MALRD1: variants seen among roughly 807,000 people sequenced by gnomAD.
The protein encoded by MALRD1 is MAM and LDL-receptor class A domain-containing protein 1.
In MALRD1, 247 loss-of-function variants were observed where a neutral mutation model predicts 242.1. The observed-to-expected ratio is 1.02, with a 90% CI of 0.92 to 1.13. The LOEUF is 1.13. MALRD1 is among the 50% of genes most tolerant of loss of function. The probability of loss-of-function intolerance (pLI) is 0.00; values close to 1 mark genes in which losing one functional copy is unlikely to be tolerated. For missense variants in MALRD1, 2,989 were observed against 2,533.1 expected (o/e 1.18, Z -3.86); for synonymous variants, 995 against 866.6 (o/e 1.15, Z -2.60).
rs974015684 is a variant in MALRD1 at position 19,411,523 on chromosome 10, A to T, written c.4845+21914A>T. Among the ~76,000 whole-genome samples the T allele has an allele frequency of 2.6e-5, 4 of 152,210 alleles. No homozygotes were observed. The South Asian group carries it at 8.3e-4, about 32-fold the overall frequency. ...TTTAATGTGCATAATAAGTGCAAAA[A>T]AGCTACCATGATCATACTTTATGCA... On this transcript the variant is annotated intron_variant, in intron 28 of 39. Transcript: ENST00000454679.
chr10:19,604,505 G>A (rs1259519441), intron 34 of MALRD1, among the ~76,000 whole-genome samples: 4 of 152,150 alleles, frequency 2.6e-5, no homozygotes, highest in Admixed American at 6.6e-5. Context: ...GTTGGTTTAT[G>A]AAGTTGAAGG....
rs1835414887 is a variant in MALRD1, at chr10:19,734,476, C to T, written c.*239C>T. Reference sequence around the variant, plus strand: ...TATTTTAATAAAATTTCTATTTAATCAAGTTTCTTGTTTTTCTTTGATTTT... The same window carrying T: ...TATTTTAATAAAATTTCTATTTAATTAAGTTTCTTGTTTTTCTTTGATTTT... On this transcript the variant is annotated 3_prime_UTR_variant, in exon 40 of 40. Coordinates refer to ENST00000454679, the MANE Select transcript of MALRD1 (RefSeq NM_001142308.3). The T allele has an allele frequency of 1.6e-5, 5 of 322,432 alleles. No individual in the cohort carries two copies. In the East Asian group the frequency reaches 2.6e-4, roughly 17 times the overall value. 20.0% of individuals were successfully genotyped at this position (322,432 alleles called of 1,614,324 possible).
At chr10:19,343,664 T>C (rs1235135675) in intron 24 of MALRD1, among the ~76,000 whole-genome samples, 2 of 152,092 alleles carry the variant, frequency 1.3e-5, no homozygotes, top group African/African-American at 2.4e-5. Flanking sequence ...TCCATCAAAA[T>C]TGTTGTGTGT....
intron 18 of MALRD1, among the ~76,000 whole-genome samples, chr10:19,231,103 T>A (rs1838044590): frequency 6.6e-6 from 1 of 152,116 alleles, no homozygotes; most frequent in African/African-American, 2.4e-5. Flanking sequence ...AATTAATAAC[T>A]TGTCAAGCTG....
chr10:19,197,372 C>T (rs1270215119), intron 14 of MALRD1, among the ~76,000 whole-genome samples: 1 of 152,158 alleles, frequency 6.6e-6, no homozygotes, highest in African/African-American at 2.4e-5. Flanking sequence ...CCTCCACTCT[C>T]TTCAGTAAAG....
At chr10:19,149,939 T>C (rs1415905727) in intron 11 of MALRD1, among the ~76,000 whole-genome samples, 1 of 152,198 alleles carries the variant, frequency 6.6e-6, no homozygotes, top group African/African-American at 2.4e-5. Flanking sequence ...ATATCATATG[T>C]AGCATTTTGA....
intron 24 of MALRD1, 33 bp downstream of exon 24, chr10:19,331,615 C>A: frequency 6.7e-7 from 1 of 1,499,086 alleles, no homozygotes; most frequent in Non-Finnish European, 9.1e-7. Context: ...CTTACTTTTG[C>A]CTTCAACTCC....
At chr10:19,326,459 T>C (rs1281378792) in intron 22 of MALRD1, among the ~76,000 whole-genome samples, 1 of 152,118 alleles carries the variant, frequency 6.6e-6, no homozygotes, top group African/African-American at 2.4e-5. Flanking sequence ...TTAGTAAGTT[T>C]CTTGAACATA....
At position 19,468,074 on chromosome 10, in the gene MALRD1, G is replaced by C. The variant is rs146521236; in HGVS notation, c.5029+17584G>C. Among the ~76,000 whole-genome samples, 31 of 150,640 alleles carry C rather than the reference G, an allele frequency of 2.1e-4. No homozygotes were observed. In the East Asian group the frequency reaches 5.8e-3, roughly 28 times the overall value. On this transcript the variant is annotated intron_variant, in intron 29 of 39. Coordinates refer to ENST00000454679, the MANE Select transcript of MALRD1 (RefSeq NM_001142308.3). ...CTCCCAAAGTGCTGGGATTACATAT[G>C]TGAGCTACCACACCTGGCCTAGATA...
intron 14 of MALRD1, 120 bp from the exon 15 acceptor site, chr10:19,203,608 C>G (rs957413519): frequency 3.2e-6 from 3 of 941,052 alleles, no homozygotes; most frequent in Non-Finnish European, 4.5e-6. Flanking sequence ...AAATGTGTCC[C>G]TCATTGCCCT....
chr10:19,584,430 G>T (rs974174035), intron 33 of MALRD1, among the ~76,000 whole-genome samples: 8 of 151,754 alleles, frequency 5.3e-5, no homozygotes, highest in African/African-American at 1.7e-4. Flanking sequence ...TTGTGTCTTT[G>T]TTCTCGTAGG....
At chr10:19,334,629 C>G (rs896353671) in intron 24 of MALRD1, among the ~76,000 whole-genome samples, 2 of 151,810 alleles carry the variant, frequency 1.3e-5, no homozygotes, top group African/African-American at 4.8e-5. Flanking sequence ...CTATATATTC[C>G]TTCAATTTTG....
At position 19,247,156 on chromosome 10, in the gene MALRD1, T is replaced by C. The variant is rs534519568; in HGVS notation, c.2992-10528T>C. On this transcript the variant is annotated intron_variant, in intron 18 of 39. Coordinates refer to ENST00000454679, the MANE Select transcript of MALRD1 (RefSeq NM_001142308.3). ...CATGAACTGAAGATCCAGAAAGTTC[T>C]TGCAAATGGAGTTTTTTTAAATAGA... 5.9e-5 allele frequency among the ~76,000 whole-genome samples: 9 copies of C among 152,252 alleles called. No individual in the cohort carries two copies. In the East Asian group the frequency reaches 1.2e-3, roughly 20 times the overall value.
intron 14 of MALRD1, among the ~76,000 whole-genome samples, chr10:19,189,323 TGCTAACAAAGTAAA>T (rs1835876706): frequency 6.6e-6 from 1 of 152,232 alleles, no homozygotes; most frequent in East Asian, 1.9e-4. Context: ...ATAAAAGATC[TGCTAACAAAGTAAA>T]GCCCTGGAAC....
At chr10:19,569,102 G>A (rs756851318) in intron 33 of MALRD1, among the ~76,000 whole-genome samples, 4 of 152,112 alleles carry the variant, frequency 2.6e-5, no homozygotes, top group Non-Finnish European at 4.4e-5. Flanking sequence ...ATAGTAATAA[G>A]AATAGATTAT....
intron 31 of MALRD1, among the ~76,000 whole-genome samples, chr10:19,518,342 T>C (rs1833729063): frequency 6.6e-6 from 1 of 152,226 alleles, no homozygotes; most frequent in African/African-American, 2.4e-5. Context: ...CATAAATAAC[T>C]GTCTTCTGAA....
At chr10:19,306,964 A>G (rs779338675) in intron 21 of MALRD1, among the ~76,000 whole-genome samples, 1 of 151,468 alleles carries the variant, frequency 6.6e-6, no homozygotes, top group Non-Finnish European at 1.5e-5. Flanking sequence ...GGGAACTACA[A>G]TTCAAGATGA....
At chr10:19,446,733 G>A (rs1171497192) in intron 28 of MALRD1, among the ~76,000 whole-genome samples, 2 of 152,098 alleles carry the variant, frequency 1.3e-5, no homozygotes, top group Admixed American at 6.6e-5. Context: ...ATTATGAGAA[G>A]AAAATAATTC....
At chr10:19,610,570 A>ATATACAGATATATT (rs1208733214) in intron 35 of MALRD1, among the ~76,000 whole-genome samples, 1 of 152,004 alleles carries the variant, frequency 6.6e-6, no homozygotes. Context: ...TCTTCAAACT[A>ATATACAGATATATT]TGTGCAGATA....
Sources: allele counts gnomAD v4.1 joint callset (sites outside exome capture counted in the v4.1 genomes callset), GRCh38; gene constraint gnomAD v4.1.1; transcripts MANE v1.5; gene names NCBI Gene and HGNC (gene_info 2026-07-23, HGNC 2026-07-21).